The following OSBP2 variants were observed in gnomAD, a reference collection of about 807,000 sequenced individuals.
OSBP2 encodes the protein oxysterol binding protein 2.
In OSBP2, 66 loss-of-function variants were observed where a neutral mutation model predicts 96.0. That is an observed-to-expected ratio of 0.69 (90% CI 0.56 to 0.84). The LOEUF (loss-of-function observed/expected upper bound fraction) is 0.84. Among genes scored for constraint, OSBP2 ranks in the 40% least tolerant of loss-of-function variants. The probability of loss-of-function intolerance (pLI) is 0.00; values close to 1 mark genes in which losing one functional copy is unlikely to be tolerated. For missense variants in OSBP2, 1,038 were observed against 1,222.7 expected, an observed-to-expected ratio of 0.85 and a Z score of 2.25; for synonymous variants, 525 against 520.9, an observed-to-expected ratio of 1.01 and a Z score of -0.11.
At chr22:30,790,307 G>T (rs766188459) in intron 2 of OSBP2, among the ~76,000 whole-genome samples, 2 of 152,088 alleles carry the variant, frequency 1.3e-5, no homozygotes, top group Non-Finnish European at 2.9e-5. Context: ...TTAAGGAGGG[G>T]GGGGCGGGGA....
At chr22:30,716,024 TTTTC>T (rs199966282) in intron 1 of OSBP2, among the ~76,000 whole-genome samples, 10 of 139,168 alleles carry the variant, frequency 7.2e-5, no homozygotes, top group African/African-American at 1.1e-4. Context: ...CACAAGCATC[TTTTC>T]TTTCTTTCTT....
Position 30,769,520 on chromosome 22 carries a change from G to A in OSBP2, c.853+28151G>A, listed in dbSNP as rs146866781. ...AAAAATTAGCTGGGTGTGGTGGCAC[G>A]CACCTGTAGTCCCAGCTACTCGGGA... On this transcript the variant is annotated intron_variant, in intron 2 of 13. Transcript: ENST00000332585. Among the ~76,000 whole-genome samples the A allele has an allele frequency of 6.7e-3, 1,019 of 152,078 alleles. 10 individuals are homozygous for A. Among genetic ancestry groups the A allele is most frequent in the African/African-American group, 0.023 (963 of 41,480 alleles).
At chr22:30,863,011 C>A (rs1203824148) in intron 2 of OSBP2, among the ~76,000 whole-genome samples, 1 of 151,690 alleles carries the variant, frequency 6.6e-6, no homozygotes, top group Non-Finnish European at 1.5e-5. Context: ...GACTTGGGGT[C>A]TTGGGCAGGC....
chr22:30,741,516 C>T, intron 2 of OSBP2, 147 bp downstream of exon 2: 1 of 634,558 alleles, frequency 1.6e-6, no homozygotes, highest in East Asian at 2.8e-5. Context: ...CGTGCATGTT[C>T]TGTGCATCGT....
intron 1 of OSBP2, among the ~76,000 whole-genome samples, chr22:30,728,499 A>T (rs1459242824): frequency 6.6e-6 from 1 of 151,332 alleles, no homozygotes; most frequent in Non-Finnish European, 1.5e-5. Flanking sequence ...TTGTTTGTTC[A>T]TTTTTTGTTT....
intron 1 of OSBP2, among the ~76,000 whole-genome samples, chr22:30,720,407 A>G (rs5753284): frequency 0.56 from 85,525 of 151,942 alleles, 24,605 homozygotes; most frequent in Non-Finnish European, 0.63. Context: ...GGTGCAGGCA[A>G]TTGGCAGGAG....
chr22:30,860,507 C>T (rs12484741), intron 2 of OSBP2, among the ~76,000 whole-genome samples: 122 of 152,350 alleles, frequency 8.0e-4, no homozygotes, highest in African/African-American at 2.3e-3. Context: ...GCTCACTTCG[C>T]GCCAGAGGAG....
chr22:30,867,623 A>C (rs1261225110), intron 2 of OSBP2, among the ~76,000 whole-genome samples: 1 of 152,194 alleles, frequency 6.6e-6, no homozygotes, highest in Non-Finnish European at 1.5e-5. Context: ...TCCTGCCCCA[A>C]CAACACGGCC....
chr22:30,889,411 G>A, intron 6 of OSBP2, 79 bp from the exon 7 acceptor site: 1 of 1,556,690 alleles, frequency 6.4e-7, no homozygotes, highest in East Asian at 2.2e-5. Flanking sequence ...CAGTCCTCAG[G>A]GTGGAGGGCA....
intron 2 of OSBP2, among the ~76,000 whole-genome samples, chr22:30,765,960 C>T (rs549209202): frequency 6.6e-6 from 1 of 152,300 alleles, no homozygotes; most frequent in Non-Finnish European, 1.5e-5. Context: ...TGGAGCCAGG[C>T]ATGGCAGTTC....
intron 1 of OSBP2, among the ~76,000 whole-genome samples, chr22:30,737,210 T>G (rs973791417): frequency 1.3e-5 from 2 of 152,116 alleles, no homozygotes; most frequent in African/African-American, 4.8e-5. Context: ...GAGATGGGAT[T>G]TCACCATGTT....
intron 2 of OSBP2, among the ~76,000 whole-genome samples, chr22:30,764,624 C>G (rs150562597): frequency 1.3e-5 from 2 of 152,236 alleles, no homozygotes; most frequent in Admixed American, 6.5e-5. Context: ...GGGAGACATT[C>G]CTTAGGGCTT....
chr22:30,807,592 C>A (rs926391621), intron 2 of OSBP2, among the ~76,000 whole-genome samples: 25 of 152,220 alleles, frequency 1.6e-4, no homozygotes, highest in Non-Finnish European at 2.9e-4. Flanking sequence ...CTGCCTCTCA[C>A]ACAGCAGCTG....
At chr22:30,832,300 C>CTT (rs903004170) in intron 2 of OSBP2, among the ~76,000 whole-genome samples, 1 of 145,854 alleles carries the variant, frequency 6.9e-6, no homozygotes, top group African/African-American at 2.5e-5. Context: ...TCTTTTCTTT[C>CTT]TTTTTTTTTT....
At chr22:30,784,580 A>G (rs1378503875) in intron 2 of OSBP2, among the ~76,000 whole-genome samples, 2 of 151,990 alleles carry the variant, frequency 1.3e-5, no homozygotes, top group South Asian at 2.1e-4. Flanking sequence ...TTTTAATTGT[A>G]TCCTTCTGGA....
chr22:30,889,403 G>A, intron 6 of OSBP2, 87 bp from the exon 7 acceptor site: 1 of 1,530,402 alleles, frequency 6.5e-7, no homozygotes, highest in South Asian at 1.1e-5. Context: ...CTTGGTGCCA[G>A]TCCTCAGGGT....
chr22:30,864,538 T>TG (rs1217755561), intron 2 of OSBP2, among the ~76,000 whole-genome samples: 1 of 152,100 alleles, frequency 6.6e-6, no homozygotes, highest in African/African-American at 2.4e-5. Flanking sequence ...AGAAAGGATA[T>TG]GGGGCGTTGG....
At chr22:30,825,304 A>G (rs1319254390) in intron 2 of OSBP2, among the ~76,000 whole-genome samples, 1 of 152,208 alleles carries the variant, frequency 6.6e-6, no homozygotes, top group Admixed American at 6.5e-5. Flanking sequence ...CCTGGCCAAC[A>G]TGGTGAAACC....
intron 1 of OSBP2, among the ~76,000 whole-genome samples, chr22:30,736,065 C>A (rs1046758989): frequency 6.6e-6 from 1 of 152,064 alleles, no homozygotes; most frequent in African/African-American, 2.4e-5. Flanking sequence ...AGCTACACAC[C>A]ACCATGCCCA....
Sources: gnomAD v4.1 joint callset for allele counts (sites outside exome capture counted in the v4.1 genomes callset) on GRCh38, gnomAD v4.1.1 for gene constraint, MANE v1.5 for transcripts, NCBI Gene and HGNC (gene_info 2026-07-23, HGNC 2026-07-21) for gene names.